Variants in ADK observed in about 807,000 individuals in gnomAD.
The protein encoded by ADK is N6,N6-dimethyladenosine kinase.
ADK carries 24 observed loss-of-function variants against 44.7 expected under a neutral mutation model. The ratio of observed to expected loss-of-function variants is 0.54; its 90% confidence interval spans 0.39 to 0.76. The LOEUF is 0.76. Ranked by LOEUF, ADK falls within the 30% of genes least tolerant of loss-of-function variation. ADK has a pLI of 0.00. For synonymous variants in ADK, 128 were observed against 142.6 expected (o/e 0.90, Z 0.73); for missense variants, 321 against 425.1 (o/e 0.76, Z 2.15).
chr10:74,475,616 A>T (rs1275169467), intron 6 of ADK, among the ~76,000 whole-genome samples: 1 of 152,022 alleles, frequency 6.6e-6, no homozygotes, highest in Non-Finnish European at 1.5e-5. Flanking sequence ...TTTAGGCAGG[A>T]GAATTGCATG....
At chr10:74,577,110 C>CTGTGTG (rs146683037) in intron 7 of ADK, among the ~76,000 whole-genome samples, 10,059 of 137,292 alleles carry the variant, frequency 0.073, 402 homozygotes, top group Non-Finnish European at 0.084. Context: ...TATTATTTCT[C>CTGTGTG]TGTGTGTGTG....
At chr10:74,247,245 T>TTC (rs1845458968) in intron 3 of ADK, among the ~76,000 whole-genome samples, 1 of 142,822 alleles carries the variant, frequency 7.0e-6, no homozygotes, top group Non-Finnish European at 1.5e-5. Flanking sequence ...TTTTTTTTTT[T>TTC]TTTGAGACAG....
At chr10:74,180,205 CTT>C (rs200038420) in intron 1 of ADK, among the ~76,000 whole-genome samples, 47 of 132,230 alleles carry the variant, frequency 3.6e-4, no homozygotes, top group African/African-American at 1.0e-3. Context: ...TTTCTCTTTT[CTT>C]TTTATTATTA....
intron 4 of ADK, among the ~76,000 whole-genome samples, chr10:74,339,141 G>T (rs1229565087): frequency 6.6e-6 from 1 of 151,814 alleles, no homozygotes; most frequent in East Asian, 1.9e-4. Context: ...TTTATTTTTT[G>T]TAGAGATGGG....
chr10:74,595,395 G>GTTTTTA (rs1851871945), intron 8 of ADK, among the ~76,000 whole-genome samples: 1 of 91,668 alleles, frequency 1.1e-5, no homozygotes, highest in Non-Finnish European at 1.9e-5. Context: ...TTTTTTTTGG[G>GTTTTTA]GAGGGGGTTT....
In ADK at chr10:74,441,706, C is replaced by G. The variant is rs1221219548; in HGVS notation, c.555+43127C>G. Reference sequence around the variant, plus strand: ...CACAGGCAGCAAAAGCAAAATTAAACAAAATTGTATCTATATCAAACCAAA... The same window carrying G: ...CACAGGCAGCAAAAGCAAAATTAAAGAAAATTGTATCTATATCAAACCAAA... On this transcript the variant is annotated intron_variant, in intron 6 of 10. Transcript: ENST00000539909. 3.3e-5 allele frequency among the ~76,000 whole-genome samples: 5 copies of G among 152,024 alleles called. No individual in the cohort carries two copies. The East Asian group carries it at 9.6e-4, about 29-fold the overall frequency.
rs560352265 is a variant in ADK at position 74,535,337 on chromosome 10, C to A, written c.726+9911C>A. Among the ~76,000 whole-genome samples the A allele has an allele frequency of 2.1e-4, 32 of 152,186 alleles. 1 individual carries two copies. In the South Asian group the frequency reaches 6.4e-3, roughly 31 times the overall value. On this transcript the variant is annotated intron_variant, in intron 7 of 10. Coordinates refer to ENST00000539909, the MANE Select transcript of ADK (RefSeq NM_006721.4). The stretch of plus-strand genomic sequence containing the variant: ...AATTAGCCAGGCATGGTGGCACACA[C>A]TTGTATTCCCAGCTATTCGGGAGGC...
At chr10:74,561,109 C>T (rs1850443063) in intron 7 of ADK, among the ~76,000 whole-genome samples, 1 of 152,202 alleles carries the variant, frequency 6.6e-6, no homozygotes, top group South Asian at 2.1e-4. Flanking sequence ...GCTTTGGCTG[C>T]AGTCATTCCT....
At chr10:74,535,568 G>T (rs1849420401) in intron 7 of ADK, among the ~76,000 whole-genome samples, 1 of 151,242 alleles carries the variant, frequency 6.6e-6, no homozygotes, top group African/African-American at 2.4e-5. Context: ...CATGCTCAAA[G>T]GTTTTGACCC....
chr10:74,650,373 A>G (rs754384936), intron 9 of ADK, among the ~76,000 whole-genome samples: 6 of 152,128 alleles, frequency 3.9e-5, no homozygotes, highest in Non-Finnish European at 5.9e-5. Flanking sequence ...AGATCTCGCC[A>G]CTGCACTCCA....
intron 7 of ADK, among the ~76,000 whole-genome samples, chr10:74,546,954 A>T (rs1417061300): frequency 2.0e-5 from 3 of 152,138 alleles, no homozygotes; most frequent in Non-Finnish European, 4.4e-5. Context: ...TAAAATTAAC[A>T]TGTGTCATAT....
At position 74,631,052 on chromosome 10, in the gene ADK, A is replaced by G. The variant is rs978887801; in HGVS notation, c.877+30559A>G. The stretch of plus-strand genomic sequence containing the variant: ...TCAAGTTGGTTCTTATGAACTTCCA[A>G]TGTACTACAGTTATTTTCTGACTTC... On this transcript the variant is annotated intron_variant, in intron 9 of 10. Coordinates refer to ENST00000539909, the MANE Select transcript of ADK (RefSeq NM_006721.4). 6.6e-5 allele frequency among the ~76,000 whole-genome samples: 10 copies of G among 152,056 alleles called. No individual in the cohort carries two copies. The East Asian group carries it at 9.6e-4, about 15-fold the overall frequency.
chr10:74,288,631 CAA>C (rs1319419725), intron 3 of ADK, among the ~76,000 whole-genome samples: 2 of 152,128 alleles, frequency 1.3e-5, no homozygotes, highest in African/African-American at 4.8e-5. Flanking sequence ...GCCTGGGTGA[CAA>C]GAGCGAGACT....
Position 74,222,577 on chromosome 10 carries a change from C to T in ADK, c.141-1961C>T, listed in dbSNP as rs34492397. Among the ~76,000 whole-genome samples the T allele has an allele frequency of 8.7e-3, 1,321 of 152,168 alleles. 13 individuals are homozygous for T. The highest frequency in any genetic ancestry group is 0.014 in the Non-Finnish European group (950 of 68,014). Reference sequence around the variant, plus strand: ...ACATGCACACGTTTGTTTATTGCGGCGCTATTAACAATAGCAAAGACTTGG... The same window carrying T: ...ACATGCACACGTTTGTTTATTGCGGTGCTATTAACAATAGCAAAGACTTGG... On this transcript the variant is annotated intron_variant, in intron 2 of 10. Coordinates refer to ENST00000539909, the MANE Select transcript of ADK (RefSeq NM_006721.4).
At chr10:74,493,527 GAT>G (rs956402918) in intron 6 of ADK, among the ~76,000 whole-genome samples, 6 of 150,652 alleles carry the variant, frequency 4.0e-5, no homozygotes, top group Non-Finnish European at 3.0e-5. Flanking sequence ...TATAGATATA[GAT>G]ATAGATAGAC....
chr10:74,393,048 G>A (rs1843391385), intron 4 of ADK, among the ~76,000 whole-genome samples: 1 of 152,048 alleles, frequency 6.6e-6, no homozygotes, highest in South Asian at 2.1e-4. Context: ...TTATATTGTG[G>A]ATGAGTCTGT....
Position 74,399,161 on chromosome 10 carries a change from G to T in ADK, c.555+582G>T, listed in dbSNP as rs1423020584. ...AAGAATTTATTTCTAAAATAGGATGGTACTAAAAATTCTGAATTAATCACC... is the reference window on the plus strand; with the variant it reads ...AAGAATTTATTTCTAAAATAGGATGTTACTAAAAATTCTGAATTAATCACC... On this transcript the variant is annotated intron_variant, in intron 6 of 10. Transcript: ENST00000539909. Among the ~76,000 whole-genome samples, 4 of 151,396 alleles carry T rather than the reference G, an allele frequency of 2.6e-5. No homozygotes were observed. The East Asian group carries it at 7.7e-4, about 29-fold the overall frequency.
In ADK at chr10:74,344,979, C is replaced by G. The variant is rs781228336; in HGVS notation, c.273+30234C>G. Among the ~76,000 whole-genome samples the G allele has an allele frequency of 2.0e-5, 3 of 152,328 alleles. No homozygotes were observed. The East Asian group carries it at 5.8e-4, about 29-fold the overall frequency. ...AAGGCTGGAGGCCTACACTGCCAGT[C>G]GAGTCTGAGGATGGAGGATCAGGAT... is the stretch of plus-strand genomic sequence containing the variant. On this transcript the variant is annotated intron_variant, in intron 4 of 10. Coordinates refer to ENST00000539909, the MANE Select transcript of ADK (RefSeq NM_006721.4).
chr10:74,669,870 C>T (rs1478098265), intron 9 of ADK, among the ~76,000 whole-genome samples: 1 of 152,168 alleles, frequency 6.6e-6, no homozygotes, highest in Non-Finnish European at 1.5e-5. Flanking sequence ...TAGTTTATGG[C>T]TTCTGTTCAT....
Sources: allele counts gnomAD v4.1 joint callset (sites outside exome capture counted in the v4.1 genomes callset), GRCh38; gene constraint gnomAD v4.1.1; transcripts MANE v1.5; gene names NCBI Gene and HGNC (gene_info 2026-07-23, HGNC 2026-07-21).